GALNT13: variants seen among roughly 807,000 people sequenced by gnomAD.
GALNT13 encodes the protein polypeptide N-acetylgalactosaminyltransferase 13.
In GALNT13, 28 loss-of-function variants were observed where a neutral mutation model predicts 64.2. The observed-to-expected ratio is 0.44, with a 90% confidence interval of 0.32 to 0.60. GALNT13 has a LOEUF of 0.60. GALNT13 is among the 20% of genes least tolerant of loss of function. The probability of loss-of-function intolerance (pLI) is 0.05; values close to 1 mark genes in which losing one functional copy is unlikely to be tolerated. For missense variants in GALNT13, 577 were observed against 669.8 expected (o/e 0.86, Z 1.53); for synonymous variants, 214 against 224.6 (o/e 0.95, Z 0.42).
chr2:154,279,905 T>C (rs191793964), intron 8 of GALNT13, among the ~76,000 whole-genome samples: 3 of 152,214 alleles, frequency 2.0e-5, no homozygotes, highest in Admixed American at 1.3e-4. Flanking sequence ...TATTTTTAGG[T>C]GTTTCACATT....
intron 11 of GALNT13, among the ~76,000 whole-genome samples, chr2:154,418,710 T>C (rs1368553406): frequency 6.6e-6 from 1 of 152,160 alleles, no homozygotes; most frequent in African/African-American, 2.4e-5. Flanking sequence ...ATTTGTTTTA[T>C]CAACGACAGG....
chr2:153,527,262 A>G, the GALNT13 span, among the ~76,000 whole-genome samples: 3 of 152,274 alleles, frequency 2.0e-5, no homozygotes, highest in South Asian at 6.2e-4. Flanking sequence ...AACTCCTAAA[A>G]ATAAAGGATA....
At position 154,039,292 on chromosome 2, in the gene GALNT13, A is replaced by G. The variant is rs2105323778; in HGVS notation, c.142+94653A>G. Among the ~76,000 whole-genome samples the G allele has an allele frequency of 4.0e-5, 4 of 99,182 alleles. 2 individuals are homozygous for G. Among genetic ancestry groups the G allele is most frequent in the Middle Eastern group, 0.014 (2 of 138 alleles). The allele number at this position is 99,182 out of a possible 152,430, so 65.1% of individuals were successfully genotyped here. On this transcript the variant is annotated intron_variant, in intron 3 of 12. Transcript: ENST00000392825. ...CCAAATGAAAATAAATCAGTAGATCAAAGAGTTATCTTTACCTCCATGCTT... is the reference window on the plus strand; with the variant it reads ...CCAAATGAAAATAAATCAGTAGATCGAAGAGTTATCTTTACCTCCATGCTT...
chr2:154,157,921 C>A (rs1009798894), intron 4 of GALNT13, among the ~76,000 whole-genome samples: 4 of 152,108 alleles, frequency 2.6e-5, no homozygotes, highest in African/African-American at 4.8e-5. Flanking sequence ...TAATTTTCTC[C>A]TACTTTTCTG....
chr2:153,904,664 A>G (rs9288292), intron 2 of GALNT13, among the ~76,000 whole-genome samples: 37,095 of 151,184 alleles, frequency 0.25, 4,835 homozygotes, highest in Non-Finnish European at 0.28. Context: ...GTTAATATTC[A>G]CAAGTTAGTT....
the GALNT13 span, among the ~76,000 whole-genome samples, chr2:153,346,677 T>C: frequency 1.2e-4 from 19 of 152,214 alleles, no homozygotes; most frequent in African/African-American, 4.1e-4. Context: ...AATTACAAGT[T>C]TCTTCTCTGT....
chr2:153,603,534 T>C, the GALNT13 span, among the ~76,000 whole-genome samples: 2 of 152,002 alleles, frequency 1.3e-5, no homozygotes, highest in Non-Finnish European at 2.9e-5. Context: ...TTGGAGTAGA[T>C]GGGACCATAG....
chr2:154,317,239 G>A (rs1358008376), intron 9 of GALNT13, among the ~76,000 whole-genome samples: 1 of 151,512 alleles, frequency 6.6e-6, no homozygotes, highest in Admixed American at 6.6e-5. Context: ...GAATGGTGTA[G>A]GGTTTTTACT....
the GALNT13 span, among the ~76,000 whole-genome samples, chr2:153,763,102 A>C: frequency 5.9e-5 from 9 of 152,006 alleles, no homozygotes; most frequent in Non-Finnish European, 1.0e-4. Flanking sequence ...TGAAAATTAA[A>C]TTTTACCTAT....
the GALNT13 span, among the ~76,000 whole-genome samples, chr2:153,571,906 CT>C: frequency 0.021 from 3,139 of 149,904 alleles, 45 homozygotes; most frequent in Middle Eastern, 0.088. Context: ...TTGGAGTTTT[CT>C]TTTTTTTTGA....
chr2:153,154,670 C>T, the GALNT13 span, among the ~76,000 whole-genome samples: 10 of 152,072 alleles, frequency 6.6e-5, no homozygotes, highest in South Asian at 2.1e-4. Context: ...TATAGGATCA[C>T]GCTATCTGCA....
At chr2:154,253,805 A>G (rs1031637961) in intron 7 of GALNT13, among the ~76,000 whole-genome samples, 4 of 152,346 alleles carry the variant, frequency 2.6e-5, no homozygotes, top group East Asian at 1.9e-4. Context: ...TTAACTTTCA[A>G]ATAGATTGTT....
At chr2:153,313,432 C>T in the GALNT13 span, among the ~76,000 whole-genome samples, 17 of 151,640 alleles carry the variant, frequency 1.1e-4, no homozygotes, top group Non-Finnish European at 2.2e-4. Context: ...TTTTCCTTAG[C>T]AAACTAACAC....
At chr2:154,368,728 T>C (rs1243102448) in intron 9 of GALNT13, among the ~76,000 whole-genome samples, 1 of 152,150 alleles carries the variant, frequency 6.6e-6, no homozygotes, top group Non-Finnish European at 1.5e-5. Context: ...ATCATACAGT[T>C]ATAGGAACAG....
intron 4 of GALNT13, among the ~76,000 whole-genome samples, chr2:154,231,509 A>G (rs1688913813): frequency 6.6e-6 from 1 of 151,950 alleles, no homozygotes; most frequent in Non-Finnish European, 1.5e-5. Flanking sequence ...TAATTTATTC[A>G]AAAATGGTAA....
At chr2:153,647,598 G>T in the GALNT13 span, among the ~76,000 whole-genome samples, 1 of 152,102 alleles carries the variant, frequency 6.6e-6, no homozygotes, top group East Asian at 1.9e-4. Context: ...TATGGTTTTA[G>T]GTCTAACATT....
At chr2:153,278,621 C>G in the GALNT13 span, among the ~76,000 whole-genome samples, 1 of 152,026 alleles carries the variant, frequency 6.6e-6, no homozygotes, top group Non-Finnish European at 1.5e-5. Flanking sequence ...ATTCTTTTCT[C>G]CATTGCTTAT....
intron 3 of GALNT13, among the ~76,000 whole-genome samples, chr2:154,005,378 A>G (rs1417813759): frequency 6.6e-6 from 1 of 152,086 alleles, no homozygotes. Context: ...GATTTTTGGC[A>G]TCCTGGAAAC....
the GALNT13 span, among the ~76,000 whole-genome samples, chr2:153,090,418 A>G: frequency 1.3e-5 from 2 of 152,156 alleles, no homozygotes; most frequent in East Asian, 1.9e-4. Flanking sequence ...AGCTTTCTCA[A>G]ATGCTGGTTA....
Sources: gnomAD v4.1 joint callset for allele counts (sites outside exome capture counted in the v4.1 genomes callset) on GRCh38, gnomAD v4.1.1 for gene constraint, MANE v1.5 for transcripts, NCBI Gene and HGNC (gene_info 2026-07-23, HGNC 2026-07-21) for gene names.